CDC14B: variants seen among roughly 807,000 people sequenced by gnomAD.
The protein encoded by CDC14B is dual specificity protein phosphatase CDC14B.
Under a neutral mutation model 64.2 loss-of-function variants are expected in CDC14B, and 22 were observed. That is an observed-to-expected ratio of 0.34 (90% CI 0.24 to 0.49). The LOEUF (loss-of-function observed/expected upper bound fraction) is 0.49, where lower values mean the gene tolerates loss of function less well. Ranked by LOEUF, CDC14B falls within the 20% of genes least tolerant of loss-of-function variation. The pLI is 0.99. For synonymous variants in CDC14B, 191 were observed against 215.8 expected (o/e 0.89, Z 1.01); for missense variants, 498 against 629.9 (o/e 0.79, Z 2.24).
chr9:96,584,432 G>T (rs1486972565), intron 1 of CDC14B, among the ~76,000 whole-genome samples: 2 of 152,018 alleles, frequency 1.3e-5, no homozygotes, highest in African/African-American at 4.8e-5. Context: ...AAAACATTTG[G>T]ATCATAGTCA....
chr9:96,548,615 G>A (rs1038008073), intron 5 of CDC14B, among the ~76,000 whole-genome samples: 1 of 152,062 alleles, frequency 6.6e-6, no homozygotes, highest in Non-Finnish European at 1.5e-5. Context: ...CCAGGGGGTT[G>A]AGACCAGCCT....
At chr9:96,582,031 C>T (rs988893422) in intron 1 of CDC14B, among the ~76,000 whole-genome samples, 2 of 152,140 alleles carry the variant, frequency 1.3e-5, no homozygotes, top group African/African-American at 4.8e-5. Context: ...AACCAAGGGA[C>T]GGCTCCATCA....
At chr9:96,504,254 C>A (rs1833826643) in intron 13 of CDC14B, among the ~76,000 whole-genome samples, 1 of 152,070 alleles carries the variant, frequency 6.6e-6, no homozygotes, top group African/African-American at 2.4e-5. Context: ...AGCTCTGGCA[C>A]CTAAGCGGCT....
chr9:96,569,023 G>A (rs1844318892), intron 1 of CDC14B, among the ~76,000 whole-genome samples: 1 of 152,120 alleles, frequency 6.6e-6, no homozygotes, highest in African/African-American at 2.4e-5. Context: ...ACATGTATAC[G>A]ATTGTGGATG....
At chr9:96,497,324 C>A (rs899939642), downstream of CDC14B, among the ~76,000 whole-genome samples, 9 of 151,648 alleles carry the variant, frequency 5.9e-5, no homozygotes, top group African/African-American at 2.2e-4. Context: ...AGGCGGGAGG[C>A]CCCCCACTCC....
At chr9:96,596,207 T>C (rs555314401) in intron 1 of CDC14B, among the ~76,000 whole-genome samples, 172 of 151,336 alleles carry the variant, frequency 1.1e-3, no homozygotes, top group African/African-American at 3.9e-3. Context: ...ACTAAAAATA[T>C]AAAAATTAGC....
In CDC14B at chr9:96,566,929, G is replaced by C. The variant is rs1359986709; in HGVS notation, c.161-1446C>G. On this transcript the variant is annotated intron_variant, in intron 1 of 13. Coordinates refer to ENST00000375241, the MANE Select transcript of CDC14B (RefSeq NM_033331.4). ...AAAAACAAAGTTTAAAGGGCCGCGC[G>C]GGGCAGCGGGCGCAGCGACACCCCT... The C allele has an allele frequency of 2.0e-6, 3 of 1,516,628 alleles. No homozygotes were observed. In the East Asian group the frequency reaches 7.4e-5, roughly 38 times the overall value. The allele number at this position is 1,516,628 out of a possible 1,614,324, so 93.9% of individuals were successfully genotyped here.
Position 96,503,716 on chromosome 9 carries a change from C to T in CDC14B, c.*37G>A. 6.3e-7 allele frequency: 1 copy of T among 1,597,138 alleles called. No individual in the cohort carries two copies. The highest frequency in any genetic ancestry group is 8.6e-7 in the Non-Finnish European group (1 of 1,165,440). ...CTAATTTCTGTTGCAGTTTTCAGTC[C>T]TAGAGTCTTCCTTCAGCTCTGGTCA... On this transcript the variant is annotated 3_prime_UTR_variant, in exon 14 of 14. Coordinates refer to ENST00000375241, the MANE Select transcript of CDC14B (RefSeq NM_033331.4).
At chr9:96,518,904 A>C (rs1343995289) in intron 12 of CDC14B, among the ~76,000 whole-genome samples, 1 of 152,148 alleles carries the variant, frequency 6.6e-6, no homozygotes, top group Non-Finnish European at 1.5e-5. Context: ...TGGGAGGCCA[A>C]GGTGGGCAGA....
At chr9:96,594,768 C>G (rs866467648) in intron 1 of CDC14B, among the ~76,000 whole-genome samples, 1 of 140,696 alleles carries the variant, frequency 7.1e-6, no homozygotes, top group Non-Finnish European at 1.5e-5. Context: ...GAAAGAATTA[C>G]AGCAGAATCG....
At chr9:96,574,718 A>AAAAAAAAAAAAAC in intron 1 of CDC14B, among the ~76,000 whole-genome samples, 1 of 151,316 alleles carries the variant, frequency 6.6e-6, no homozygotes, top group African/African-American at 2.4e-5. Context: ...AAAAAAAAAA[A>AAAAAAAAAAAAAC]AGATTTAATG....
intron 5 of CDC14B, among the ~76,000 whole-genome samples, chr9:96,542,760 C>T (rs1840249800): frequency 6.6e-6 from 1 of 152,060 alleles, no homozygotes; most frequent in African/African-American, 2.4e-5. Context: ...CATGTAATCC[C>T]AGCACTTAGG....
At chr9:96,514,476 T>C (rs1314705132) in intron 12 of CDC14B, 1 of 985,214 alleles carries the variant, frequency 1.0e-6, no homozygotes, top group East Asian at 1.1e-4. Context: ...TTCAAGAAAA[T>C]GCCATAAATA....
rs956297260 is a variant in CDC14B, at chr9:96,502,201, G to T, written c.*1552C>A. 1.3e-5 allele frequency: 2 copies of T among 152,156 alleles called. No individual in the cohort carries two copies. The allele number at this position is 152,156 out of a possible 1,614,324, so 9.4% of individuals were successfully genotyped here. Reference sequence around the variant, plus strand: ...AGCTGGCCTGACCCCACCCGACAGTGCCTGGCGGGGAAAGAGTTGCTTGTT... The same window carrying T: ...AGCTGGCCTGACCCCACCCGACAGTTCCTGGCGGGGAAAGAGTTGCTTGTT... On this transcript the variant is annotated 3_prime_UTR_variant, in exon 14 of 14. Coordinates refer to ENST00000375241, the MANE Select transcript of CDC14B (RefSeq NM_033331.4).
intron 1 of CDC14B, among the ~76,000 whole-genome samples, chr9:96,599,526 C>G (rs1846293936): frequency 6.6e-6 from 1 of 152,170 alleles, no homozygotes; most frequent in South Asian, 2.1e-4. Flanking sequence ...CAAAGAGAAT[C>G]TGTTTAATGC....
intron 1 of CDC14B, among the ~76,000 whole-genome samples, chr9:96,607,022 G>A (rs950888535): frequency 2.7e-5 from 4 of 149,904 alleles, no homozygotes; most frequent in Non-Finnish European, 5.9e-5. Flanking sequence ...GCAAGACTGT[G>A]TCTCAAAAAA....
intron 1 of CDC14B, among the ~76,000 whole-genome samples, chr9:96,578,103 T>C (rs1283970332): frequency 6.6e-6 from 1 of 152,206 alleles, no homozygotes; most frequent in Non-Finnish European, 1.5e-5. Context: ...AAGAGTGTGA[T>C]ACTGGAGCCA....
In CDC14B at chr9:96,516,590, C is replaced by T. The variant is rs377697317; in HGVS notation, c.1343+5916G>A. ...CGCTTCCCAGGTTCAAACAATTCTC[C>T]CACTGCAGCCTCCTGAGTAGTTGGG... On this transcript the variant is annotated intron_variant, in intron 12 of 13. Coordinates refer to ENST00000375241, the MANE Select transcript of CDC14B (RefSeq NM_033331.4). 1.3e-3 allele frequency among the ~76,000 whole-genome samples: 204 copies of T among 152,058 alleles called. 2 individuals are homozygous for T. The highest frequency in any genetic ancestry group is 4.6e-3 in the African/African-American group (190 of 41,490).
chr9:96,589,754 C>G (rs767162142), intron 1 of CDC14B, among the ~76,000 whole-genome samples: 18 of 151,906 alleles, frequency 1.2e-4, no homozygotes, highest in African/African-American at 4.1e-4. Context: ...GTCAGGAGAT[C>G]GAGACCATCC....
Sources: gnomAD v4.1 joint callset for allele counts (sites outside exome capture counted in the v4.1 genomes callset) on GRCh38, gnomAD v4.1.1 for gene constraint, MANE v1.5 for transcripts, NCBI Gene and HGNC (gene_info 2026-07-23, HGNC 2026-07-21) for gene names.